PAQR6: variants seen among roughly 807,000 people sequenced by gnomAD.
PAQR6 encodes the protein progestin and adipoQ receptor family member 6, also known as membrane progestin receptor delta.
Under a neutral mutation model 36.2 loss-of-function variants are expected in PAQR6, and 34 were observed. The observed-to-expected ratio is 0.94, with a 90% CI of 0.71 to 1.25. The LOEUF (loss-of-function observed/expected upper bound fraction) is 1.25, where lower values mean the gene tolerates loss of function less well. Ranked by LOEUF, PAQR6 falls within the 50% of genes most tolerant of loss-of-function variation. The probability of loss-of-function intolerance (pLI) is 0.00; values close to 1 mark genes in which losing one functional copy is unlikely to be tolerated. For missense variants in PAQR6, 431 were observed against 445.7 expected, an observed-to-expected ratio of 0.97 and a Z score of 0.30; for synonymous variants, 190 against 190.7, an observed-to-expected ratio of 1.00 and a Z score of 0.03.
chr1:156,244,560 C>G, intron 7 of PAQR6, 157 bp from the exon 8 acceptor site: 4 of 1,384,026 alleles, frequency 2.9e-6, no homozygotes, highest in Non-Finnish European at 3.9e-6. Context: ...GGCCCCAGCA[C>G]ACATGCTACT....
In PAQR6 at chr1:156,245,468, C is replaced by T. The variant is rs1660247823; in HGVS notation, c.512+67G>A. Reference sequence around the variant, plus strand: ...CGATGCCTCCAGTGCTGTTCGAGAGCAGTGAGGTGTGTCCTCTCCTGTGCC... The same window carrying T: ...CGATGCCTCCAGTGCTGTTCGAGAGTAGTGAGGTGTGTCCTCTCCTGTGCC... On this transcript the variant is annotated intron_variant, in intron 5 of 7. Transcript: ENST00000292291. 9 of 1,590,128 alleles carry T rather than the reference C, an allele frequency of 5.7e-6. No individual in the cohort carries two copies. The South Asian group carries it at 6.8e-5, about 12-fold the overall frequency.
rs1436204878 is a variant in PAQR6, at chr1:156,246,122, C to T, written c.179+1G>A. ...CGGCCTGGGGCGGAGCCTCCCCTCA[C>T]CAGGTGGGCAGGAAGTGAGTCCAGA... On this transcript the variant is annotated splice_donor_variant, in intron 3 of 7. Transcript: ENST00000292291. LOFTEE classifies it high-confidence loss of function. The T allele has an allele frequency of 1.2e-6, 2 of 1,611,748 alleles. No individual in the cohort carries two copies.
At chr1:156,245,403 G>T in intron 5 of PAQR6, 132 bp downstream of exon 5, 1 of 1,444,078 alleles carries the variant, frequency 6.9e-7, no homozygotes, top group Non-Finnish European at 9.5e-7. Context: ...TGTATGTGGG[G>T]ATAAAGGGTC....
rs1558214455 is a variant in PAQR6 at position 156,245,545 on chromosome 1, A to G, written c.502T>C (p.Cys168Arg). The G allele has an allele frequency of 6.2e-7, 1 of 1,612,206 alleles. No individual in the cohort carries two copies. Among genetic ancestry groups the G allele is most frequent in the Non-Finnish European group, 8.5e-7 (1 of 1,179,984 alleles). Residue 168 changes from cysteine (C) to arginine (R), a missense_variant, in exon 5 of 8, where the codon TGC becomes CGC. Transcript: ENST00000292291. ...GGCCTGGGAACCCACCGGGAGTAGC[A>G]GGAGAGGCCGGTGCACAGGAAGGAG... The part of the protein sequence containing the change: ...LNSFLCTGLS[C>R]YSRFLELESP...
rs1450835237 is a variant in PAQR6, at chr1:156,243,779, TC to T, written c.*349del. 39 of 1,476,886 alleles carry T rather than the reference TC, an allele frequency of 2.6e-5. No individual in the cohort carries two copies. Among genetic ancestry groups the T allele is most frequent in the Non-Finnish European group, 2.7e-6 (3 of 1,101,866 alleles). 91.5% of individuals were successfully genotyped at this position (1,476,886 alleles called of 1,614,324 possible). A position where few individuals can be genotyped will look rare whatever the true frequency, so the allele number is the denominator to read the frequency against. Reference sequence around the variant, plus strand: ...TTCTTCCCTGTGCTGAGCAGAGACTTCCAGAAGCACCAGAAACGGAGCCAGA... The same window carrying T: ...TTCTTCCCTGTGCTGAGCAGAGACTTCAGAAGCACCAGAAACGGAGCCAGA... On this transcript the variant is annotated 3_prime_UTR_variant, in exon 8 of 8. Coordinates refer to ENST00000292291, the MANE Select transcript of PAQR6 (RefSeq NM_198406.3).
rs1558213643 is a variant in PAQR6 at position 156,245,212 on chromosome 1, A to G, written c.539T>C (p.Leu180Pro). ...GGCTCCTGTGCGGAGGACCTTACTG[A>G]GCCCAGGGCTTTCCAGCTCCAGGAA... ...SRFLELESPG[L>P]SKVLRTGAFA... Residue 180 changes from leucine to proline, a missense_variant, in exon 6 of 8, where the codon CTC (leucine) becomes CCC (proline). By Grantham distance (98) the Leu-to-Pro change is moderately conservative. Coordinates refer to ENST00000292291, the MANE Select transcript of PAQR6 (RefSeq NM_198406.3). 6.2e-7 allele frequency: 1 copy of G among 1,614,112 alleles called. No individual in the cohort carries two copies.
In PAQR6 at chr1:156,244,260, G is replaced by C; in HGVS notation, c.904C>G (p.Leu302Val). The C allele has an allele frequency of 6.2e-7, 1 of 1,613,684 alleles. No homozygotes were observed. The highest frequency in any genetic ancestry group is 8.5e-7 in the Non-Finnish European group (1 of 1,180,028). Residue 302 changes from leucine (L) to valine (V), a missense_variant, in exon 8 of 8, where the codon CTG becomes GTG. Transcript: ENST00000292291. ...ALGLAGTVAT[L>V]VLAAAGNLLI... is the part of the protein sequence containing the mutation. Reference sequence around the variant, plus strand: ...AGGTTCCCAGCTGCAGCCAAGACCAGTGTGGCCACTGTGCCTGCCAGGCCC... The same window carrying C: ...AGGTTCCCAGCTGCAGCCAAGACCACTGTGGCCACTGTGCCTGCCAGGCCC...
At chr1:156,245,427 C>T in intron 5 of PAQR6, 108 bp downstream of exon 5, 2 of 1,516,806 alleles carry the variant, frequency 1.3e-6, no homozygotes, top group Non-Finnish European at 1.8e-6. Flanking sequence ...CAGAGGAAGT[C>T]CTCAGTACAT....
Position 156,244,809 on chromosome 1 carries a change from CGAA to C in PAQR6, c.709_711del (p.Phe237del). On this transcript the variant is annotated inframe_deletion, in exon 7 of 8. Coordinates refer to ENST00000292291, the MANE Select transcript of PAQR6 (RefSeq NM_198406.3). ...GCCAGCCTTTCAGGCAGGTGGGAGG[CGAA>C]GAGGAAGCCAGTGAGCAGCGCGCAG... 7 of 1,613,570 alleles carry C rather than the reference CGAA, an allele frequency of 4.3e-6. No individual in the cohort carries two copies. Among genetic ancestry groups the C allele is most frequent in the Non-Finnish European group, 5.9e-6 (7 of 1,180,028 alleles).
At chr1:156,245,716 C>G in intron 4 of PAQR6, 55 bp from the exon 5 acceptor site, 1 of 1,582,660 alleles carries the variant, frequency 6.3e-7, no homozygotes, top group Non-Finnish European at 8.6e-7. Context: ...CCCTATGTCC[C>G]GCGTCCCACC....
chr1:156,243,925 GC>G lies in PAQR6; in HGVS notation c.*203del. 2 of 1,613,668 alleles carry G rather than the reference GC, an allele frequency of 1.2e-6. No homozygotes were observed. The highest frequency in any genetic ancestry group is 1.1e-5 in the South Asian group (1 of 91,030). ...AGCACTTCTTCCACTCCCATCAAGA[GC>G]CCCCTCACGGTCCCTCTCACACTCT... On this transcript the variant is annotated 3_prime_UTR_variant, in exon 8 of 8. Transcript: ENST00000292291.
intron 2 of PAQR6, 97 bp downstream of exon 2, chr1:156,246,584 G>T: frequency 1.5e-6 from 2 of 1,377,262 alleles, no homozygotes; most frequent in Non-Finnish European, 2.0e-6. Context: ...TTCGCCTGCA[G>T]GAGGGGCTGC....
At chr1:156,245,412 T>A (rs1660237432) in intron 5 of PAQR6, 123 bp downstream of exon 5, 2 of 1,465,344 alleles carry the variant, frequency 1.4e-6, no homozygotes, top group African/African-American at 2.8e-5. Flanking sequence ...GGATAAAGGG[T>A]CTGACAGAGG....
intron 2 of PAQR6, among the ~76,000 whole-genome samples, 161 bp from the exon 3 acceptor site, chr1:156,246,411 A>G (rs992601657): frequency 6.6e-6 from 1 of 152,138 alleles, no homozygotes; most frequent in Non-Finnish European, 1.5e-5. Flanking sequence ...CAGTACCCAC[A>G]ACCCACAAAA....
In PAQR6 at chr1:156,246,004, C is replaced by G; in HGVS notation, c.180-17G>C. 6.4e-7 allele frequency: 1 copy of G among 1,562,828 alleles called. No individual in the cohort carries two copies. Among genetic ancestry groups the G allele is most frequent in the Non-Finnish European group, 8.6e-7 (1 of 1,157,914 alleles). ...AGGAAGTACCTGCGGCGGGCGCGTG[C>G]TCAGGCCGCCGCGGACCCCCGCGAC... On this transcript the variant is annotated splice_polypyrimidine_tract_variant and intron_variant, in intron 3 of 7. Transcript: ENST00000292291.
In PAQR6 at chr1:156,246,711, G is replaced by A; in HGVS notation, c.21C>T (p.Pro7=). The change falls in exon 2 of 8, where the codon CCC becomes CCT. Residue 7 remains proline (P), a synonymous_variant. Coordinates refer to ENST00000292291, the MANE Select transcript of PAQR6 (RefSeq NM_198406.3). MLSLKL[P]QLLQVHQVPR... is the part of the protein sequence containing the mutation. ...GGACCTGGTGGACTTGAAGAAGTTG[G>A]GGCAGCTTGAGACTGAGCATGGTGG... The A allele has an allele frequency of 1.2e-6, 2 of 1,613,854 alleles. No individual in the cohort carries two copies. Among genetic ancestry groups the A allele is most frequent in the African/African-American group, 1.3e-5 (1 of 75,028 alleles).
chr1:156,245,378 G>A, intron 5 of PAQR6, 140 bp from the exon 6 acceptor site: 1 of 1,383,976 alleles, frequency 7.2e-7, no homozygotes, highest in Non-Finnish European at 1.0e-6. Flanking sequence ...GACCTCCTGT[G>A]TAAAGGACCA....
At position 156,245,621 on chromosome 1, in the gene PAQR6, G is replaced by A; in HGVS notation, c.426C>T (p.Ser142=). 1 of 1,613,330 alleles carries A rather than the reference G, an allele frequency of 6.2e-7. No individual in the cohort carries two copies. Among genetic ancestry groups the A allele is most frequent in the East Asian group, 2.2e-5 (1 of 44,856 alleles). The change falls in exon 5 of 8, where the codon TCC becomes TCT. Residue 142 remains serine (S), a synonymous_variant. Coordinates refer to ENST00000292291, the MANE Select transcript of PAQR6 (RefSeq NM_198406.3). Reference sequence around the variant, plus strand: ...ACTGGTGCAGGTGGCCGTGCAGCCAGGAGGCCGGCATGGAGTAGGCGGCAT... The same window carrying A: ...ACTGGTGCAGGTGGCCGTGCAGCCAAGAGGCCGGCATGGAGTAGGCGGCAT... ...FPYAAYSMPA[S]WLHGHLHQFF... is the part of the protein sequence containing the mutation.
At position 156,243,997 on chromosome 1, in the gene PAQR6, T is replaced by A. The variant is rs1285966509; in HGVS notation, c.*132A>T. 6.2e-7 allele frequency: 1 copy of A among 1,614,178 alleles called. No homozygotes were observed. The highest frequency in any genetic ancestry group is 1.1e-5 in the South Asian group (1 of 91,084). Reference sequence around the variant, plus strand: ...CTCCTCTTCTCTGCCCTCTCTCCTGTGCCCTCTCTCCTCAGCCCCTGTTGG... The same window carrying A: ...CTCCTCTTCTCTGCCCTCTCTCCTGAGCCCTCTCTCCTCAGCCCCTGTTGG... On this transcript the variant is annotated 3_prime_UTR_variant, in exon 8 of 8. Coordinates refer to ENST00000292291, the MANE Select transcript of PAQR6 (RefSeq NM_198406.3).
Sources: allele counts gnomAD v4.1 joint callset (sites outside exome capture counted in the v4.1 genomes callset), GRCh38; gene constraint gnomAD v4.1.1; transcripts MANE v1.5; gene names NCBI Gene and HGNC (gene_info 2026-07-23, HGNC 2026-07-21).